SLC41A2: variants seen among roughly 807,000 people sequenced by gnomAD.
SLC41A2 encodes SLC41A1-like 1.
Under a neutral mutation model 58.3 loss-of-function variants are expected in SLC41A2, and 32 were observed. The ratio of observed to expected loss-of-function variants is 0.55; its 90% CI spans 0.41 to 0.74. SLC41A2 has a LOEUF of 0.74. SLC41A2 is among the 30% of genes least tolerant of loss of function. The pLI is 0.00. For missense variants in SLC41A2, 514 were observed against 680.6 expected (o/e 0.76, Z 2.72); for synonymous variants, 190 against 235.0 (o/e 0.81, Z 1.75).
chr12:104,903,058 G>A (rs1475665761), intron 3 of SLC41A2, among the ~76,000 whole-genome samples: 1 of 152,106 alleles, frequency 6.6e-6, no homozygotes, highest in Non-Finnish European at 1.5e-5. Context: ...AGAATTTTTA[G>A]TGATGGCTCC....
At chr12:104,952,263 C>T (rs917288471) in intron 1 of SLC41A2, among the ~76,000 whole-genome samples, 6 of 152,114 alleles carry the variant, frequency 3.9e-5, no homozygotes, top group African/African-American at 1.4e-4. Flanking sequence ...TATTGTGAGC[C>T]AGGCACTATA....
chr12:104,909,959 T>C (rs776145732), intron 2 of SLC41A2, among the ~76,000 whole-genome samples, 197 bp from the exon 3 acceptor site: 6 of 152,192 alleles, frequency 3.9e-5, no homozygotes, highest in Non-Finnish European at 8.8e-5. Flanking sequence ...CTTTAAAAGA[T>C]GCTGTTAGAG....
intron 6 of SLC41A2, among the ~76,000 whole-genome samples, chr12:104,868,962 A>G: frequency 6.6e-6 from 1 of 152,028 alleles, no homozygotes; most frequent in East Asian, 1.9e-4. Flanking sequence ...TAGATTGGTG[A>G]TTGTTAGAGG....
At chr12:104,930,595 G>C (rs1162902297) in intron 1 of SLC41A2, among the ~76,000 whole-genome samples, 1 of 152,176 alleles carries the variant, frequency 6.6e-6, no homozygotes, top group Non-Finnish European at 1.5e-5. Flanking sequence ...CCAGTGATAG[G>C]AAACTTCCCT....
rs140962232 is a variant in SLC41A2 at position 104,862,826 on chromosome 12, T to C, written c.1176-1456A>G. ...TACAACATGTTTTGAAATATGTATA[T>C]ATTGTAGAATGACTAAATTGAGCTA... is the stretch of plus-strand genomic sequence containing the variant. On this transcript the variant is annotated intron_variant, in intron 7 of 10. Transcript: ENST00000258538. Among the ~76,000 whole-genome samples, 887 of 152,240 alleles carry C rather than the reference T, an allele frequency of 5.8e-3. 17 individuals carry two copies. The highest frequency in any genetic ancestry group is 0.02 in the African/African-American group (835 of 41,552).
At chr12:104,912,275 C>G (rs975447359) in intron 2 of SLC41A2, among the ~76,000 whole-genome samples, 2 of 152,158 alleles carry the variant, frequency 1.3e-5, no homozygotes, top group African/African-American at 4.8e-5. Flanking sequence ...TTGATGACAG[C>G]TGGCAGCCCC....
chr12:104,923,137 T>C (rs7965314), intron 2 of SLC41A2, among the ~76,000 whole-genome samples: 85,922 of 139,964 alleles, frequency 0.61, 27,737 homozygotes, highest in African/African-American at 0.76. Flanking sequence ...CCGAGGCGTG[T>C]GGGTCACGAG....
At chr12:104,901,060 CTAAATAA>C (rs1228587472) in intron 3 of SLC41A2, among the ~76,000 whole-genome samples, 1 of 152,068 alleles carries the variant, frequency 6.6e-6, no homozygotes, top group Non-Finnish European at 1.5e-5. Context: ...TAGAGTGTTG[CTAAATAA>C]TTCAGATAGT....
intron 6 of SLC41A2, among the ~76,000 whole-genome samples, chr12:104,874,398 GAT>G (rs2043948850): frequency 6.6e-6 from 1 of 151,984 alleles, no homozygotes; most frequent in Non-Finnish European, 1.5e-5. Context: ...TTTTTGATGT[GAT>G]ATCCAAAAAA....
At chr12:104,833,909 T>C in intron 10 of SLC41A2, 1 of 544,034 alleles carries the variant, frequency 1.8e-6, no homozygotes, top group Non-Finnish European at 2.3e-6. Flanking sequence ...AGTTATAAGA[T>C]TTTTTTTGTA....
At chr12:104,834,967 G>C (rs2042157888) in intron 10 of SLC41A2, among the ~76,000 whole-genome samples, 1 of 152,236 alleles carries the variant, frequency 6.6e-6, no homozygotes, top group Non-Finnish European at 1.5e-5. Flanking sequence ...TCAGAATCAA[G>C]GTAGAGACTC....
intron 10 of SLC41A2, among the ~76,000 whole-genome samples, chr12:104,837,279 G>A (rs1384923537): frequency 2.6e-5 from 4 of 152,130 alleles, no homozygotes; most frequent in Non-Finnish European, 4.4e-5. Context: ...CAGGATTTGG[G>A]GCACCCGTAC....
intron 3 of SLC41A2, among the ~76,000 whole-genome samples, chr12:104,907,768 C>T (rs1318466852): frequency 6.6e-6 from 1 of 152,138 alleles, no homozygotes; most frequent in African/African-American, 2.4e-5. Flanking sequence ...CTCTGCAAAG[C>T]AGGATAATAG....
At chr12:104,824,042 C>G (rs2041744322) in intron 10 of SLC41A2, among the ~76,000 whole-genome samples, 2 of 151,996 alleles carry the variant, frequency 1.3e-5, no homozygotes, top group Non-Finnish European at 1.5e-5. Context: ...GGGCATGGTC[C>G]CTTTAAATGA....
At chr12:104,836,294 G>A (rs1275869869) in intron 10 of SLC41A2, among the ~76,000 whole-genome samples, 1 of 152,220 alleles carries the variant, frequency 6.6e-6, no homozygotes, top group East Asian at 1.9e-4. Flanking sequence ...TTACTGGGCT[G>A]TTGTGAGGAC....
chr12:104,939,000 T>G (rs181443201), intron 1 of SLC41A2, among the ~76,000 whole-genome samples: 90 of 152,296 alleles, frequency 5.9e-4, no homozygotes, highest in Non-Finnish European at 1.0e-3. Context: ...TAAGTATACA[T>G]TTTAACACCA....
chr12:104,936,553 G>C (rs2047283623), intron 1 of SLC41A2, among the ~76,000 whole-genome samples: 1 of 152,216 alleles, frequency 6.6e-6, no homozygotes, highest in Non-Finnish European at 1.5e-5. Flanking sequence ...ATCTTACGTA[G>C]ATGGTGGCAA....
intron 1 of SLC41A2, among the ~76,000 whole-genome samples, chr12:104,956,693 A>G (rs868309879): frequency 2.2e-4 from 33 of 152,218 alleles, no homozygotes; most frequent in Middle Eastern, 3.4e-3. Flanking sequence ...TAAATAAATA[A>G]ATAAATAAAT....
At chr12:104,888,804 C>T (rs1005544802) in intron 5 of SLC41A2, among the ~76,000 whole-genome samples, 2 of 152,040 alleles carry the variant, frequency 1.3e-5, no homozygotes, top group African/African-American at 2.4e-5. Context: ...GGAACTATAA[C>T]GGAGTATCCA....
Sources: allele counts gnomAD v4.1 joint callset (sites outside exome capture counted in the v4.1 genomes callset), GRCh38; gene constraint gnomAD v4.1.1; transcripts MANE v1.5; gene names NCBI Gene and HGNC (gene_info 2026-07-23, HGNC 2026-07-21).